The following SLC39A10 variants were observed in gnomAD, a reference collection of about 807,000 sequenced individuals.
SLC39A10 encodes the protein solute carrier family 39 member 10.
A neutral mutation model predicts 65.1 loss-of-function variants in SLC39A10; 13 were observed. The ratio of observed to expected loss-of-function variants is 0.20; its 90% CI spans 0.13 to 0.32. SLC39A10 has a LOEUF of 0.32. Among genes scored for constraint, SLC39A10 ranks in the 10% least tolerant of loss-of-function variants. SLC39A10 has a pLI of 1.00. For synonymous variants in SLC39A10, 321 were observed against 342.2 expected, an observed-to-expected ratio of 0.94 and a Z score of 0.68; for missense variants, 831 against 1,018.4, an observed-to-expected ratio of 0.82 and a Z score of 2.50.
chr2:195,657,416 G>A, intron 1 of SLC39A10, 135 bp downstream of exon 1: 1 of 985,674 alleles, frequency 1.0e-6, no homozygotes, highest in Middle Eastern at 5.2e-4. Context: ...TGGTTCCCTC[G>A]GGGATGCGGG....
At chr2:195,708,059 T>G (rs16838987) in intron 4 of SLC39A10, among the ~76,000 whole-genome samples, 1,588 of 152,224 alleles carry the variant, frequency 0.01, 36 homozygotes, top group East Asian at 0.07. Context: ...TTGCTAACTT[T>G]CCACAGTATA....
chr2:195,614,244 A>G lies in SLC39A10; in HGVS notation c.-12+8011A>G, dbSNP rs551630707. ...GAGCTTGAGAAGTATTTGCTGCTTA[A>G]AAGTCTTCAACTGTTTTACTTTGCA... On this transcript the variant is annotated intron_variant, in intron 2 of 2. Transcript: ENST00000458054. 9.2e-5 allele frequency among the ~76,000 whole-genome samples: 14 copies of G among 152,354 alleles called. No homozygotes were observed. In the South Asian group the frequency reaches 2.9e-3, roughly 32 times the overall value.
chr2:195,658,849 CAAT>C (rs910027442), intron 1 of SLC39A10, among the ~76,000 whole-genome samples: 1 of 152,140 alleles, frequency 6.6e-6, no homozygotes, highest in African/African-American at 2.4e-5. Flanking sequence ...GAAAATAAAA[CAAT>C]GATGTGCTGG....
At chr2:195,718,522 T>A (rs1489446922) in intron 8 of SLC39A10, among the ~76,000 whole-genome samples, 190 bp downstream of exon 8, 1 of 152,198 alleles carries the variant, frequency 6.6e-6, no homozygotes, top group East Asian at 1.9e-4. Flanking sequence ...GATGAAATGT[T>A]CATTTCTGTG....
intron 2 of SLC39A10, among the ~76,000 whole-genome samples, chr2:195,629,355 C>T (rs1426106003): frequency 1.3e-5 from 2 of 150,030 alleles, no homozygotes; most frequent in African/African-American, 2.5e-5. Flanking sequence ...GATCACACCA[C>T]TGCACTCCAG....
intron 2 of SLC39A10, among the ~76,000 whole-genome samples, chr2:195,638,722 A>C (rs1247502726): frequency 6.6e-6 from 1 of 152,146 alleles, no homozygotes; most frequent in African/African-American, 2.4e-5. Context: ...AGTTTGTCTT[A>C]TTATTACCAT....
At chr2:195,729,744 T>G (rs1006396572) in intron 9 of SLC39A10, among the ~76,000 whole-genome samples, 1 of 152,110 alleles carries the variant, frequency 6.6e-6, no homozygotes, top group African/African-American at 2.4e-5. Context: ...AGTTCCAACT[T>G]CCCCTTTAGC....
chr2:195,629,480 C>T (rs1304642002), intron 2 of SLC39A10, among the ~76,000 whole-genome samples: 1 of 151,738 alleles, frequency 6.6e-6, no homozygotes, highest in Non-Finnish European at 1.5e-5. Flanking sequence ...CCCATCAATT[C>T]TACCTCCAAA....
At chr2:195,656,832 C>G (rs983568589), upstream of SLC39A10, 5 of 152,238 alleles carry the variant, frequency 3.3e-5, no homozygotes, top group African/African-American at 1.2e-4. Context: ...CCTCAGCAAC[C>G]GACGTTCGAA....
Position 195,680,500 on chromosome 2 carries a change from G to T in SLC39A10, c.458G>T (p.Cys153Phe). The T allele has an allele frequency of 1.2e-6, 2 of 1,614,148 alleles. No individual in the cohort carries two copies. Among genetic ancestry groups the T allele is most frequent in the Non-Finnish European group, 1.7e-6 (2 of 1,180,024 alleles). The change falls in exon 2 of 10, where the codon TGT becomes TTT. Residue 153 changes from cysteine (C) to phenylalanine (F), a missense_variant. By Grantham distance (205) the Cys-to-Phe change is radical (BLOSUM62 -2). Around this residue, in one of 4 missense-constraint regions of SLC39A10, gnomAD observed 446 missense variants for 499.2 expected, o/e 0.89. Coordinates refer to ENST00000359634, the MANE Select transcript of SLC39A10 (RefSeq NM_020342.3). ...GTATCCACAAAAAGAAACCATAAAT[G>T]TGATCCAGAGAAAGAGACAGTTGAA... ...TSVSTKRNHK[C>F]DPEKETVEVS...
chr2:195,622,389 A>C (rs1428602359), intron 2 of SLC39A10, among the ~76,000 whole-genome samples: 1 of 152,104 alleles, frequency 6.6e-6, no homozygotes, highest in African/African-American at 2.4e-5. Context: ...TAAATAAAAG[A>C]GAGAGAAGAT....
chr2:195,655,297 A>T (rs1689123121), upstream of SLC39A10, among the ~76,000 whole-genome samples: 1 of 152,202 alleles, frequency 6.6e-6, no homozygotes, highest in South Asian at 2.1e-4. Flanking sequence ...GTATTTGATT[A>T]GTTGGTTCAG....
chr2:195,641,561 G>A (rs545738463), intron 2 of SLC39A10, among the ~76,000 whole-genome samples: 2 of 152,082 alleles, frequency 1.3e-5, no homozygotes, highest in African/African-American at 2.4e-5. Flanking sequence ...TATATTCTTT[G>A]TACTAAGTTT....
chr2:195,660,335 G>T (rs554834544), intron 1 of SLC39A10, among the ~76,000 whole-genome samples: 11 of 152,294 alleles, frequency 7.2e-5, no homozygotes, highest in Non-Finnish European at 1.5e-4. Context: ...GAAGAGAAAT[G>T]TAGGGAATCA....
At chr2:195,672,461 A>G (rs1267166463) in intron 1 of SLC39A10, among the ~76,000 whole-genome samples, 4 of 152,298 alleles carry the variant, frequency 2.6e-5, no homozygotes, top group South Asian at 2.1e-4. Flanking sequence ...TACATCTGCT[A>G]TAGTAGTTCT....
intron 4 of SLC39A10, among the ~76,000 whole-genome samples, chr2:195,707,146 C>A (rs1691431554): frequency 6.6e-6 from 1 of 152,116 alleles, no homozygotes; most frequent in African/African-American, 2.4e-5. Flanking sequence ...CCATCAGCAT[C>A]TTTGAGCGGG....
At chr2:195,671,436 T>C (rs1689853770) in intron 1 of SLC39A10, among the ~76,000 whole-genome samples, 1 of 152,210 alleles carries the variant, frequency 6.6e-6, no homozygotes, top group Non-Finnish European at 1.5e-5. Context: ...TGACAGCACC[T>C]AGCAGAACTC....
At chr2:195,624,157 G>T (rs528739786) in intron 2 of SLC39A10, among the ~76,000 whole-genome samples, 2 of 152,046 alleles carry the variant, frequency 1.3e-5, no homozygotes, top group South Asian at 2.1e-4. Context: ...AGGCCGAGGC[G>T]GGTGAATCAC....
At chr2:195,626,009 C>T (rs1056750046) in intron 2 of SLC39A10, among the ~76,000 whole-genome samples, 1 of 152,152 alleles carries the variant, frequency 6.6e-6, no homozygotes, top group African/African-American at 2.4e-5. Context: ...GTCTCGAACT[C>T]CTGGGCTTAA....
Sources: allele counts gnomAD v4.1 joint callset (sites outside exome capture counted in the v4.1 genomes callset), GRCh38; gene constraint gnomAD v4.1.1; regional missense constraint gnomAD v4.1.1; transcripts MANE v1.5; gene names NCBI Gene and HGNC (gene_info 2026-07-23, HGNC 2026-07-21).